The following RIMS2 variants were observed in gnomAD, a reference collection of about 807,000 sequenced individuals.
RIMS2 encodes regulating synaptic membrane exocytosis protein 2.
In RIMS2, 59 loss-of-function variants were observed where a neutral mutation model predicts 174.4. That is an observed-to-expected ratio of 0.34 (90% CI 0.27 to 0.42). The LOEUF (loss-of-function observed/expected upper bound fraction) is 0.42, where lower values mean the gene tolerates loss of function less well. Among genes scored for constraint, RIMS2 ranks in the 10% least tolerant of loss-of-function variants. The pLI, the probability that RIMS2 is intolerant of heterozygous loss-of-function variation, is 1.00. For synonymous variants in RIMS2, 606 were observed against 572.5 expected, an observed-to-expected ratio of 1.06 and a Z score of -0.84; for missense variants, 1,620 against 1,666.3, an observed-to-expected ratio of 0.97 and a Z score of 0.48.
At chr8:103,737,175 C>CTTTTTTTTT (rs554949027) in intron 2 of RIMS2, among the ~76,000 whole-genome samples, 2 of 67,528 alleles carry the variant, frequency 3.0e-5, no homozygotes, top group African/African-American at 6.2e-5. Flanking sequence ...TTTCTTTGTT[C>CTTTTTTTTT]TTTTTTTTTT....
intron 4 of RIMS2, among the ~76,000 whole-genome samples, chr8:103,901,773 A>T (rs572538965): frequency 5.3e-5 from 8 of 152,188 alleles, no homozygotes; most frequent in Non-Finnish European, 1.2e-4. Context: ...AATGTTTATC[A>T]TCCTATTTCA....
At chr8:104,199,459 C>T (rs2099043166) in intron 19 of RIMS2, among the ~76,000 whole-genome samples, 1 of 152,174 alleles carries the variant, frequency 6.6e-6, no homozygotes, top group Non-Finnish European at 1.5e-5. Flanking sequence ...GGAATTTCAT[C>T]TTCTATTTTT....
intron 1 of RIMS2, among the ~76,000 whole-genome samples, chr8:103,559,822 G>A (rs1027979405): frequency 1.4e-4 from 21 of 152,340 alleles, no homozygotes; most frequent in African/African-American, 5.1e-4. Flanking sequence ...GGTCAGAGAT[G>A]AAGGGCTGTT....
intron 1 of RIMS2, among the ~76,000 whole-genome samples, chr8:103,671,272 A>T (rs1259805819): frequency 2.0e-5 from 3 of 152,158 alleles, no homozygotes; most frequent in Non-Finnish European, 4.4e-5. Flanking sequence ...ATTTCAAGAT[A>T]AGATTTGGGT....
At chr8:103,662,722 A>C (rs569205427) in intron 1 of RIMS2, among the ~76,000 whole-genome samples, 44 of 149,244 alleles carry the variant, frequency 2.9e-4, no homozygotes, top group African/African-American at 9.1e-4. Flanking sequence ...ATCTATCTAT[A>C]GTCTTATAAA....
chr8:103,713,640 GTC>G (rs1249653968), intron 2 of RIMS2, among the ~76,000 whole-genome samples: 1 of 151,794 alleles, frequency 6.6e-6, no homozygotes, highest in Non-Finnish European at 1.5e-5. Flanking sequence ...CTTCTAATTG[GTC>G]TCTCTGCTTC....
chr8:104,093,672 T>C, intron 19 of RIMS2, 29 bp downstream of exon 24: 1 of 1,545,848 alleles, frequency 6.5e-7, no homozygotes, highest in South Asian at 1.1e-5. Context: ...CAAACTTCTC[T>C]AAATATGTTT....
At chr8:103,914,465 G>T (rs946042295) in intron 6 of RIMS2, among the ~76,000 whole-genome samples, 6 of 152,210 alleles carry the variant, frequency 3.9e-5, no homozygotes, top group Middle Eastern at 3.4e-3. Context: ...CAAGCTTTAA[G>T]ATATCAATAA....
chr8:103,652,166 T>C (rs1343927835), intron 1 of RIMS2, 39 bp from the exon 2 acceptor site: 1 of 1,229,614 alleles, frequency 8.1e-7, no homozygotes, highest in Non-Finnish European at 1.1e-6. Context: ...AATCTCTTCA[T>C]AGTACAGTGC....
At chr8:103,558,282 G>C (rs1016614695) in intron 1 of RIMS2, among the ~76,000 whole-genome samples, 3 of 152,034 alleles carry the variant, frequency 2.0e-5, no homozygotes, top group Admixed American at 6.6e-5. Flanking sequence ...GTGCAGTGGC[G>C]TGACTCTCGG....
intron 19 of RIMS2, among the ~76,000 whole-genome samples, chr8:104,205,349 G>A (rs1027185448): frequency 6.6e-6 from 1 of 151,894 alleles, no homozygotes; most frequent in African/African-American, 2.4e-5. Flanking sequence ...TAAATATAAT[G>A]TAATTACTTT....
intron 1 of RIMS2, among the ~76,000 whole-genome samples, chr8:103,666,617 CT>C (rs2096672571): frequency 6.6e-6 from 1 of 152,166 alleles, no homozygotes; most frequent in East Asian, 1.9e-4. Context: ...CATTTCTGGT[CT>C]TTTTTGGGGG....
chr8:103,560,996 T>A (rs1430980185), intron 1 of RIMS2, among the ~76,000 whole-genome samples: 1 of 152,204 alleles, frequency 6.6e-6, no homozygotes, highest in African/African-American at 2.4e-5. Flanking sequence ...TAAGCATTTT[T>A]TAGAGTTTGT....
At chr8:103,648,289 GTTA>G (rs2096383468) in intron 1 of RIMS2, among the ~76,000 whole-genome samples, 1 of 152,054 alleles carries the variant, frequency 6.6e-6, no homozygotes, top group African/African-American at 2.4e-5. Context: ...GAGAATGTTT[GTTA>G]TTATTTCAGT....
At chr8:103,985,473 C>CAAAAAAAAA (rs58750334) in intron 16 of RIMS2, among the ~76,000 whole-genome samples, 14 of 36,162 alleles carry the variant, frequency 3.9e-4, no homozygotes, top group African/African-American at 2.1e-3. Context: ...GACTCTGTCT[C>CAAAAAAAAA]AAAAAAAAAA....
At chr8:104,251,677 C>G (rs781423431) in exon 24 of RIMS2, 28 of 1,608,472 alleles carry the variant, frequency 1.7e-5, no homozygotes, top group Admixed American at 1.0e-4. Context: ...TTTAGATGAA[C>G]TAGAGCTATC....
chr8:103,762,574 T>A (rs1328015882), intron 2 of RIMS2, among the ~76,000 whole-genome samples: 2 of 152,210 alleles, frequency 1.3e-5, no homozygotes, highest in East Asian at 3.8e-4. Context: ...TATGTATTTG[T>A]GAGAGGTATT....
chr8:103,550,672 G>T (rs190775375), intron 1 of RIMS2, among the ~76,000 whole-genome samples: 3 of 152,014 alleles, frequency 2.0e-5, no homozygotes, highest in Admixed American at 6.6e-5. Flanking sequence ...CTAGGAGCTG[G>T]TTTTTTGAAA....
At chr8:103,692,373 T>C (rs1667145356) in intron 1 of RIMS2, among the ~76,000 whole-genome samples, 1 of 152,198 alleles carries the variant, frequency 6.6e-6, no homozygotes, top group South Asian at 2.1e-4. Flanking sequence ...ACCTTAGGAA[T>C]CTACCTGGTG....
Sources: allele counts gnomAD v4.1 joint callset (sites outside exome capture counted in the v4.1 genomes callset), GRCh38; gene constraint gnomAD v4.1.1; transcripts MANE v1.5; gene names NCBI Gene and HGNC (gene_info 2026-07-23, HGNC 2026-07-21).